The following DCDC2 variants were observed in gnomAD, a reference collection of about 807,000 sequenced individuals.
DCDC2 encodes doublecortin domain containing 2.
Under a neutral mutation model 50.2 loss-of-function variants are expected in DCDC2, and 40 were observed. That is an observed-to-expected ratio of 0.80 (90% CI 0.62 to 1.04). The LOEUF (loss-of-function observed/expected upper bound fraction) is 1.04. Among genes scored for constraint, DCDC2 ranks in the 50% least tolerant of loss-of-function variants. The pLI, the probability that DCDC2 is intolerant of heterozygous loss-of-function variation, is 0.00. For synonymous variants in DCDC2, 234 were observed against 210.6 expected, an observed-to-expected ratio of 1.11 and a Z score of -0.96; for missense variants, 570 against 581.9, an observed-to-expected ratio of 0.98 and a Z score of 0.21.
At chr6:24,195,515 T>C (rs1026452834) in intron 8 of DCDC2, among the ~76,000 whole-genome samples, 3 of 152,192 alleles carry the variant, frequency 2.0e-5, no homozygotes, top group Non-Finnish European at 4.4e-5. Context: ...GTCTTTATCA[T>C]ACTGGACAAT....
chr6:24,354,796 A>C (rs1225587035), intron 1 of DCDC2, among the ~76,000 whole-genome samples: 3 of 152,178 alleles, frequency 2.0e-5, no homozygotes, highest in African/African-American at 7.2e-5. Flanking sequence ...AAGGTTGTGA[A>C]TGTATGGTCT....
chr6:24,248,910 T>C (rs1762741939), intron 7 of DCDC2, among the ~76,000 whole-genome samples: 1 of 152,206 alleles, frequency 6.6e-6, no homozygotes, highest in Non-Finnish European at 1.5e-5. Context: ...AATGCCCTTA[T>C]TCCTTTAAAA....
chr6:24,237,766 G>A (rs1429605177), intron 7 of DCDC2, among the ~76,000 whole-genome samples: 1 of 152,120 alleles, frequency 6.6e-6, no homozygotes, highest in African/African-American at 2.4e-5. Context: ...CATGTCCTCT[G>A]CAGCAACATG....
chr6:24,211,517 G>A (rs1761869915), intron 7 of DCDC2, among the ~76,000 whole-genome samples: 1 of 152,202 alleles, frequency 6.6e-6, no homozygotes, highest in South Asian at 2.1e-4. Context: ...TTGCTAAGCA[G>A]CTGACCTTGA....
chr6:24,192,879 A>G (rs573925748), intron 8 of DCDC2, among the ~76,000 whole-genome samples: 4 of 152,228 alleles, frequency 2.6e-5, no homozygotes, highest in Non-Finnish European at 5.9e-5. Flanking sequence ...CTGAAAGCAC[A>G]TATTTTAAGA....
intron 2 of DCDC2, among the ~76,000 whole-genome samples, chr6:24,330,723 T>C (rs528194637): frequency 1.3e-5 from 2 of 151,840 alleles, no homozygotes; most frequent in African/African-American, 4.8e-5. Flanking sequence ...CCATAGCAAC[T>C]GAGGGATGGA....
upstream of DCDC2, among the ~76,000 whole-genome samples, chr6:24,359,222 T>A (rs375709149): frequency 8.1e-3 from 288 of 35,540 alleles, 6 homozygotes; most frequent in African/African-American, 0.031. Context: ...TATTATATAT[T>A]TTATATATTT....
intron 2 of DCDC2, among the ~76,000 whole-genome samples, chr6:24,308,165 G>C (rs1759508256): frequency 6.6e-6 from 1 of 152,230 alleles, no homozygotes; most frequent in Non-Finnish European, 1.5e-5. Flanking sequence ...CAAAAGAGCA[G>C]AGAAAGGAAT....
At chr6:24,295,424 C>G (rs905570581) in intron 4 of DCDC2, among the ~76,000 whole-genome samples, 1 of 152,170 alleles carries the variant, frequency 6.6e-6, no homozygotes, top group Non-Finnish European at 1.5e-5. Context: ...GAGATGCCTT[C>G]TCTCGCCACT....
At position 24,176,047 on chromosome 6, in the gene DCDC2, C is replaced by T. The variant is rs1263130727; in HGVS notation, c.1327-1213G>A. The stretch of plus-strand genomic sequence containing the variant: ...GTGGCACGTGGCTGTAATCTCATCA[C>T]TTTGAGAGGTCAAGGCAAGAGGATC... On this transcript the variant is annotated intron_variant, in intron 9 of 9. Transcript: ENST00000378454. 9.2e-5 allele frequency among the ~76,000 whole-genome samples: 14 copies of T among 152,230 alleles called. No individual in the cohort carries two copies. In the East Asian group the frequency reaches 2.5e-3, roughly 27 times the overall value.
rs531728888 is a variant in DCDC2 at position 24,322,029 on chromosome 6, C to T, written c.349-19985G>A. Among the ~76,000 whole-genome samples the T allele has an allele frequency of 3.2e-3, 489 of 152,240 alleles. 1 individual carries two copies. The highest frequency in any genetic ancestry group is 0.017 in the Middle Eastern group (5 of 294). On this transcript the variant is annotated intron_variant, in intron 2 of 9. Coordinates refer to ENST00000378454, the MANE Select transcript of DCDC2 (RefSeq NM_016356.5). ...GTCTTTGCAATCGTTTCATGGATTG[C>T]CTGTGATGGGTGTCATATTCTGATT...
intron 4 of DCDC2, among the ~76,000 whole-genome samples, chr6:24,292,004 T>G (rs1763762823): frequency 6.6e-6 from 1 of 152,136 alleles, no homozygotes; most frequent in Non-Finnish European, 1.5e-5. Flanking sequence ...TCTTTTTTTT[T>G]GCCGTCCCTA....
In DCDC2 at chr6:24,205,061, G is replaced by A. The variant is rs756475791; in HGVS notation, c.964C>T (p.Arg322Trp). 5.6e-6 allele frequency: 9 copies of A among 1,614,010 alleles called. No homozygotes were observed. The East Asian group carries it at 6.7e-5, about 12-fold the overall frequency. ...FKAGAERSETRGAAEVQEDED... is the reference protein window; with the variant it reads ...FKAGAERSETWGAAEVQEDED... Reference sequence around the variant, plus strand: ...TCTTCTTGGACTTCTGCTGCCCCCCGTGTTTCAGACCTCTCTGCTCCAGCT... The same window carrying A: ...TCTTCTTGGACTTCTGCTGCCCCCCATGTTTCAGACCTCTCTGCTCCAGCT... Residue 322 changes from arginine (R) to tryptophan (W), a missense_variant, in exon 8 of 10, where the codon CGG becomes TGG. Transcript: ENST00000378454.
At chr6:24,321,341 T>G (rs1039765291) in intron 2 of DCDC2, among the ~76,000 whole-genome samples, 1 of 151,962 alleles carries the variant, frequency 6.6e-6, no homozygotes, top group Non-Finnish European at 1.5e-5. Flanking sequence ...AACTATCTCC[T>G]CCACAAGACG....
At chr6:24,277,659 T>C (rs1763389276) in intron 7 of DCDC2, among the ~76,000 whole-genome samples, 1 of 152,156 alleles carries the variant, frequency 6.6e-6, no homozygotes, top group Non-Finnish European at 1.5e-5. Flanking sequence ...AAATGACTTT[T>C]CAGTAAAGAT....
At chr6:24,298,656 TAAGA>T (rs1373545278) in intron 4 of DCDC2, among the ~76,000 whole-genome samples, 1 of 152,124 alleles carries the variant, frequency 6.6e-6, no homozygotes, top group Non-Finnish European at 1.5e-5. Context: ...GCCTGACACA[TAAGA>T]AATAGTCAAT....
chr6:24,185,688 TACAC>T (rs35379687), intron 8 of DCDC2, among the ~76,000 whole-genome samples: 9,857 of 144,382 alleles, frequency 0.068, 403 homozygotes, highest in African/African-American at 0.13. Context: ...TCCATACACA[TACAC>T]ACACACACAC....
the DCDC2 span, among the ~76,000 whole-genome samples, chr6:24,375,378 G>T: frequency 1.3e-5 from 2 of 151,634 alleles, no homozygotes; most frequent in African/African-American, 2.4e-5. Flanking sequence ...GTCACATCTG[G>T]GTAAGTGGAA....
At chr6:24,362,036 T>C (rs1297814466), upstream of DCDC2, among the ~76,000 whole-genome samples, 1 of 152,134 alleles carries the variant, frequency 6.6e-6, no homozygotes, top group Non-Finnish European at 1.5e-5. Flanking sequence ...ACTGAAGCCA[T>C]GAAATGTGCA....
Sources: allele counts gnomAD v4.1 joint callset (sites outside exome capture counted in the v4.1 genomes callset), GRCh38; gene constraint gnomAD v4.1.1; transcripts MANE v1.5; gene names NCBI Gene and HGNC (gene_info 2026-07-23, HGNC 2026-07-21).